Variants in ABRAXAS1 observed in about 807,000 individuals in gnomAD.
ABRAXAS1 encodes abraxas 1, BRCA1 A complex subunit, also known as BRCA1-A complex subunit Abraxas 1.
A neutral mutation model predicts 38.4 loss-of-function variants in ABRAXAS1; 26 were observed. The ratio of observed to expected loss-of-function variants is 0.68; its 90% confidence interval spans 0.50 to 0.94. ABRAXAS1 has a LOEUF of 0.94. Among genes scored for constraint, ABRAXAS1 ranks in the 40% least tolerant of loss-of-function variants. ABRAXAS1 has a pLI of 0.00. For synonymous variants in ABRAXAS1, 144 were observed against 165.5 expected (o/e 0.87, Z 1.00); for missense variants, 438 against 481.9 (o/e 0.91, Z 0.85).
At chr4:83,473,733 T>C (rs1003507441) in intron 3 of ABRAXAS1, among the ~76,000 whole-genome samples, 1 of 151,848 alleles carries the variant, frequency 6.6e-6, no homozygotes, top group Admixed American at 6.6e-5. Flanking sequence ...CAGGCTGGTC[T>C]CCAACTCCCT....
At position 83,469,113 on chromosome 4, in the gene ABRAXAS1, C is replaced by T. The variant is rs766408024; in HGVS notation, c.515G>A (p.Gly172Asp). The T allele has an allele frequency of 1.2e-6, 2 of 1,613,608 alleles. No individual in the cohort carries two copies. The highest frequency in any genetic ancestry group is 4.5e-5 in the East Asian group (2 of 44,880). The change falls in exon 6 of 9, where the codon GGC (glycine) becomes GAC (aspartate). Residue 172 changes from glycine to aspartate, a missense_variant. This residue lies in a region of ABRAXAS1 where 194 missense variants were observed against 269.0 expected (regional missense o/e 0.72). Transcript: ENST00000321945. ...TTTATAACCCAGTTGTTCAGACATG[C>T]CCAGATTGGCAACCACTAAAGGTAC... Reference protein sequence around the residue: ...HRVPLVVANLGMSEQLGYKTV... With the variant: ...HRVPLVVANLDMSEQLGYKTV...
At chr4:83,477,868 T>A in intron 2 of ABRAXAS1, 1 of 748,744 alleles carries the variant, frequency 1.3e-6, no homozygotes, top group Non-Finnish European at 2.4e-6. Flanking sequence ...AAGATGAAAC[T>A]CTTTTAATCA....
intron 7 of ABRAXAS1, among the ~76,000 whole-genome samples, chr4:83,465,416 CTA>C (rs1722317303): frequency 6.6e-6 from 1 of 151,750 alleles, no homozygotes; most frequent in Admixed American, 6.6e-5. Context: ...GTCACCATGA[CTA>C]TTGACTATAT....
chr4:83,484,831 A>G (rs1298455742), intron 1 of ABRAXAS1, 155 bp downstream of exon 1: 1 of 536,802 alleles, frequency 1.9e-6, no homozygotes, highest in Non-Finnish European at 3.2e-6. Context: ...CACCTCAGGG[A>G]CCGCTGAGGG....
rs557553827 is a variant in ABRAXAS1 at position 83,473,818 on chromosome 4, A to G, written c.216-1530T>C. Among the ~76,000 whole-genome samples, 42 of 151,568 alleles carry G rather than the reference A, an allele frequency of 2.8e-4. No homozygotes were observed. In the South Asian group the frequency reaches 7.0e-3, roughly 25 times the overall value. On this transcript the variant is annotated intron_variant, in intron 3 of 8. Transcript: ENST00000321945. ...GCGTGAGCCACCATGACCCACCTGCATAATTTTTTAAAAAGTGACTTTAAG... is the reference window on the plus strand; with the variant it reads ...GCGTGAGCCACCATGACCCACCTGCGTAATTTTTTAAAAAGTGACTTTAAG...
In ABRAXAS1 at chr4:83,459,989, A is replaced by G; in HGVS notation, c.*2480T>C. On this transcript the variant is annotated 3_prime_UTR_variant, in exon 9 of 9. Coordinates refer to ENST00000321945, the MANE Select transcript of ABRAXAS1 (RefSeq NM_139076.3). Reference sequence around the variant, plus strand: ...GGATTATTATTTTGCTGTCTTATGCAGAGTTAACTATATAGAAAAACTGGG... The same window carrying G: ...GGATTATTATTTTGCTGTCTTATGCGGAGTTAACTATATAGAAAAACTGGG... 4.4e-6 allele frequency: 2 copies of G among 456,122 alleles called. No individual in the cohort carries two copies. Among genetic ancestry groups the G allele is most frequent in the Non-Finnish European group, 7.7e-6 (2 of 259,276 alleles). The allele number at this position is 456,122 out of a possible 1,614,324, so 28.3% of individuals were successfully genotyped here.
In ABRAXAS1 at chr4:83,484,962, A is replaced by G; in HGVS notation, c.87+24T>C. On this transcript the variant is annotated intron_variant, in intron 1 of 8. Coordinates refer to ENST00000321945, the MANE Select transcript of ABRAXAS1 (RefSeq NM_139076.3). ...CAGGGCTCTTCCCAGGCGACGCCGG[A>G]CCCCGCCCCGTCCCTCGGCTCACCG... 3 of 1,554,430 alleles carry G rather than the reference A, an allele frequency of 1.9e-6. 1 individual carries two copies. The highest frequency in any genetic ancestry group is 3.7e-4 in the Middle Eastern group (2 of 5,342).
Position 83,462,584 on chromosome 4 carries a change from G to C in ABRAXAS1, c.1115C>G (p.Ala372Gly). The C allele has an allele frequency of 6.2e-7, 1 of 1,614,044 alleles. No individual in the cohort carries two copies. The highest frequency in any genetic ancestry group is 8.5e-7 in the Non-Finnish European group (1 of 1,179,970). The part of the protein sequence containing the change: ...LLDTQDKRSK[A>G]DTGSSNQDKA... ...ATCTTGGTTACTACTACCAGTATCTGCTTTAGATCGTTTGTCTTGTGTATC... is the reference window on the plus strand; with the variant it reads ...ATCTTGGTTACTACTACCAGTATCTCCTTTAGATCGTTTGTCTTGTGTATC... Residue 372 changes from alanine to glycine, a missense_variant, in exon 9 of 9, where the codon GCA becomes GGA. Ala to Gly is a moderately conservative substitution (Grantham distance 60, BLOSUM62 0). Transcript: ENST00000321945.
rs879641929 is a variant in ABRAXAS1 at position 83,460,491 on chromosome 4, A to C, written c.*1978T>G. On this transcript the variant is annotated 3_prime_UTR_variant, in exon 9 of 9. Transcript: ENST00000321945. ...TGTAGTTTTGTTTACGTAGTGCCAT[A>C]TGGTTGTTTTCGAGCTACAACAGCA... is the stretch of plus-strand genomic sequence containing the variant. 2 of 160,608 alleles carry C rather than the reference A, an allele frequency of 1.2e-5. No individual in the cohort carries two copies. The highest frequency in any genetic ancestry group is 2.7e-5 in the Non-Finnish European group (2 of 74,170). 9.9% of individuals were successfully genotyped at this position (160,608 alleles called of 1,614,324 possible).
intron 1 of ABRAXAS1, among the ~76,000 whole-genome samples, chr4:83,483,223 A>G (rs957833003): frequency 4.0e-5 from 6 of 151,642 alleles, no homozygotes; most frequent in Non-Finnish European, 5.9e-5. Context: ...GGGGAATTCA[A>G]TTTCTCTAGG....
chr4:83,470,724 T>C lies in ABRAXAS1; in HGVS notation c.283-328A>G, dbSNP rs193082384. Among the ~76,000 whole-genome samples the C allele has an allele frequency of 7.9e-5, 12 of 152,302 alleles. No homozygotes were observed. The East Asian group carries it at 2.3e-3, about 29-fold the overall frequency. On this transcript the variant is annotated intron_variant, in intron 4 of 8. Transcript: ENST00000321945. ...AGTCAAAATTTAAATGAAAAAAATA[T>C]CAATGCCATTGATTCACTTAAAAGG...
chr4:83,469,948 C>A, intron 5 of ABRAXAS1: 1 of 305,230 alleles, frequency 3.3e-6, no homozygotes, highest in Non-Finnish European at 5.9e-6. Flanking sequence ...AGTTTTTTTC[C>A]ACCTTAAGTA....
chr4:83,465,024 G>C (rs963024358), intron 7 of ABRAXAS1, among the ~76,000 whole-genome samples: 24 of 152,096 alleles, frequency 1.6e-4, no homozygotes, highest in African/African-American at 5.8e-4. Flanking sequence ...GGCCGGGCAA[G>C]GTGGCTCACA....
chr4:83,478,088 G>A (rs998312454), intron 2 of ABRAXAS1: 3 of 891,432 alleles, frequency 3.4e-6, no homozygotes, highest in Admixed American at 1.8e-5. Flanking sequence ...TGTGGGAGTA[G>A]AGCTACCAGT....
chr4:83,468,976 A>C lies in ABRAXAS1; in HGVS notation c.596+56T>G. ...TTATTCTGCTGTTGTTTGAGAAATA[A>C]GAAAATTAATTTCAAAGATGAATAG... On this transcript the variant is annotated intron_variant, in intron 6 of 8. Transcript: ENST00000321945. 11 of 1,580,298 alleles carry C rather than the reference A, an allele frequency of 7.0e-6. 1 individual carries two copies. The South Asian group carries it at 1.2e-4, about 18-fold the overall frequency.
intron 2 of ABRAXAS1, among the ~76,000 whole-genome samples, chr4:83,481,710 C>A (rs1039685815): frequency 2.0e-5 from 3 of 152,090 alleles, no homozygotes; most frequent in African/African-American, 4.8e-5. Flanking sequence ...AAAATGAGTA[C>A]AACATATCCT....
intron 2 of ABRAXAS1, chr4:83,477,930 C>T (rs1259275370): frequency 4.9e-6 from 4 of 811,786 alleles, no homozygotes; most frequent in Non-Finnish European, 2.1e-6. Context: ...ATAGCCAATC[C>T]CACCGATGTT....
chr4:83,477,756 T>G (rs1282226303), intron 2 of ABRAXAS1: 1 of 670,494 alleles, frequency 1.5e-6, no homozygotes, highest in Non-Finnish European at 2.9e-6. Flanking sequence ...GTATTGGCTC[T>G]GTATTCAGGA....
rs768140721 is a variant in ABRAXAS1, at chr4:83,463,487, TA to T, written c.796+6del. On this transcript the variant is annotated splice_donor_region_variant and intron_variant, in intron 8 of 8. Coordinates refer to ENST00000321945, the MANE Select transcript of ABRAXAS1 (RefSeq NM_139076.3). ...GCACAGAAAGTAGAGATGTGTTGTT[TA>T]CTTACTTGCTGCCTGAATCTGTGCT... 1.3e-6 allele frequency: 2 copies of T among 1,565,714 alleles called. No individual in the cohort carries two copies. Among genetic ancestry groups the T allele is most frequent in the Non-Finnish European group, 1.7e-6 (2 of 1,148,274 alleles).
Sources: gnomAD v4.1 joint callset for allele counts (sites outside exome capture counted in the v4.1 genomes callset) on GRCh38, gnomAD v4.1.1 for gene constraint, gnomAD v4.1.1 regional missense constraint, MANE v1.5 for transcripts, NCBI Gene and HGNC (gene_info 2026-07-23, HGNC 2026-07-21) for gene names.